The following RBFOX1 variants were observed in gnomAD, a reference collection of about 807,000 sequenced individuals.
RBFOX1 encodes the protein RNA binding fox-1 homolog 1, also known as RNA binding protein fox-1 homolog 1.
Under a neutral mutation model 57.7 loss-of-function variants are expected in RBFOX1, and 8 were observed. That is an observed-to-expected ratio of 0.14 (90% CI 0.08 to 0.25). The LOEUF is 0.25. Ranked by LOEUF, RBFOX1 falls within the 10% of genes least tolerant of loss-of-function variation. RBFOX1 has a pLI of 1.00. For synonymous variants in RBFOX1, 326 were observed against 222.4 expected, an observed-to-expected ratio of 1.47 and a Z score of -4.15; for missense variants, 611 against 548.5, an observed-to-expected ratio of 1.11 and a Z score of -1.14.
chr16:6,707,821 G>A (rs540738006), intron 3 of RBFOX1, among the ~76,000 whole-genome samples: 136 of 152,228 alleles, frequency 8.9e-4, no homozygotes, highest in Non-Finnish European at 1.5e-3. Context: ...ATTTGCATCC[G>A]CCTTCTCCTT....
intron 2 of RBFOX1, among the ~76,000 whole-genome samples, chr16:6,481,519 G>A (rs761234081): frequency 1.3e-5 from 2 of 152,204 alleles, no homozygotes; most frequent in African/African-American, 2.4e-5. Context: ...TTTGTGAACT[G>A]ATTTGTGAAT....
intron 2 of RBFOX1, among the ~76,000 whole-genome samples, chr16:6,566,010 G>C (rs745783562): frequency 6.6e-6 from 1 of 152,104 alleles, no homozygotes; most frequent in Non-Finnish European, 1.5e-5. Flanking sequence ...CTTCATGCAG[G>C]GTCACAGGTT....
intron 3 of RBFOX1, among the ~76,000 whole-genome samples, chr16:7,020,845 G>C (rs1279114356): frequency 1.3e-5 from 2 of 152,118 alleles, no homozygotes; most frequent in Non-Finnish European, 2.9e-5. Context: ...TTTTTCTCGA[G>C]GCCAGTCTTG....
chr16:5,984,603 ACCATGGGTCT>A (rs2060244907), intron 4 of RBFOX1, among the ~76,000 whole-genome samples: 1 of 152,220 alleles, frequency 6.6e-6, no homozygotes, highest in African/African-American at 2.4e-5. Context: ...GTATTATCTT[ACCATGGGTCT>A]GCACAGGGCT....
At chr16:7,671,361 T>G (rs755106907) in intron 13 of RBFOX1, among the ~76,000 whole-genome samples, 1 of 152,192 alleles carries the variant, frequency 6.6e-6, no homozygotes, top group African/African-American at 2.4e-5. Context: ...ATACTCTCCA[T>G]TGCAGAGATT....
chr16:5,923,168 CT>C (rs1370998681), intron 4 of RBFOX1, among the ~76,000 whole-genome samples: 1 of 152,130 alleles, frequency 6.6e-6, no homozygotes, highest in Non-Finnish European at 1.5e-5. Context: ...GGAAAAACGG[CT>C]GCTAATGTAG....
chr16:6,154,992 G>T (rs556964622), intron 1 of RBFOX1, among the ~76,000 whole-genome samples: 10 of 152,250 alleles, frequency 6.6e-5, no homozygotes, highest in African/African-American at 2.4e-4. Context: ...TATTCTCAAT[G>T]CTTCCATTGT....
intron 5 of RBFOX1, among the ~76,000 whole-genome samples, chr16:7,533,946 C>T (rs1015866999): frequency 4.6e-5 from 7 of 151,948 alleles, no homozygotes; most frequent in South Asian, 2.1e-4. Flanking sequence ...CAATGGTGGG[C>T]GATGTTACCT....
At chr16:5,850,226 A>G (rs911913838) in intron 3 of RBFOX1, among the ~76,000 whole-genome samples, 1 of 152,162 alleles carries the variant, frequency 6.6e-6, no homozygotes, top group Non-Finnish European at 1.5e-5. Flanking sequence ...TGGCCGAAGC[A>G]TGAGGGAGGG....
chr16:5,330,975 C>G (rs1256551958), intron 1 of RBFOX1, among the ~76,000 whole-genome samples: 1 of 51,274 alleles, frequency 2.0e-5, no homozygotes, highest in Non-Finnish European at 6.9e-5. Context: ...TACCCAGGCT[C>G]TCTGGTGGTT....
chr16:6,794,192 C>G (rs1005037954), intron 3 of RBFOX1, among the ~76,000 whole-genome samples: 1 of 151,386 alleles, frequency 6.6e-6, no homozygotes, highest in African/African-American at 2.4e-5. Flanking sequence ...GAAGTTGATG[C>G]GGGATTACTG....
At chr16:5,950,133 G>C (rs1283346203) in intron 4 of RBFOX1, among the ~76,000 whole-genome samples, 1 of 152,112 alleles carries the variant, frequency 6.6e-6, no homozygotes, top group African/African-American at 2.4e-5. Context: ...ACCTGTAATT[G>C]GTAAGAATGA....
chr16:7,676,447 A>G (rs898495968), intron 13 of RBFOX1, among the ~76,000 whole-genome samples: 3 of 152,200 alleles, frequency 2.0e-5, no homozygotes, highest in Admixed American at 6.5e-5. Flanking sequence ...AGCAAAGTAT[A>G]AAGAGTATTT....
At chr16:6,663,970 A>C (rs919394663) in intron 3 of RBFOX1, among the ~76,000 whole-genome samples, 1 of 152,218 alleles carries the variant, frequency 6.6e-6, no homozygotes, top group East Asian at 1.9e-4. Context: ...AATCCACCTG[A>C]AACCTTTTGA....
At chr16:5,486,452 G>A (rs1227323030) in intron 2 of RBFOX1, among the ~76,000 whole-genome samples, 1 of 152,238 alleles carries the variant, frequency 6.6e-6, no homozygotes, top group East Asian at 1.9e-4. Flanking sequence ...ATTGTACAGA[G>A]TGATCTGTTT....
intron 4 of RBFOX1, among the ~76,000 whole-genome samples, chr16:7,282,330 C>T (rs1009025190): frequency 3.9e-5 from 6 of 152,210 alleles, no homozygotes; most frequent in African/African-American, 1.4e-4. Context: ...TCACCCCCAA[C>T]TCATTGCAAG....
chr16:7,616,799 T>G (rs1218151927), intron 10 of RBFOX1, among the ~76,000 whole-genome samples: 1 of 152,106 alleles, frequency 6.6e-6, no homozygotes, highest in East Asian at 1.9e-4. Context: ...TCCAAAGTGC[T>G]GGGATTACAA....
intron 1 of RBFOX1, among the ~76,000 whole-genome samples, chr16:5,259,877 G>T (rs542774944): frequency 1.3e-5 from 2 of 152,026 alleles, no homozygotes; most frequent in African/African-American, 2.4e-5. Context: ...TGACTTCTGC[G>T]GAGTGGGTAT....
At chr16:6,732,522 A>T (rs1185118312) in intron 3 of RBFOX1, among the ~76,000 whole-genome samples, 2 of 152,166 alleles carry the variant, frequency 1.3e-5, no homozygotes, top group Non-Finnish European at 2.9e-5. Flanking sequence ...AATCTAGAAA[A>T]CATTTAGTGT....
Sources: allele counts gnomAD v4.1 joint callset (sites outside exome capture counted in the v4.1 genomes callset), GRCh38; gene constraint gnomAD v4.1.1; transcripts MANE v1.5; gene names NCBI Gene and HGNC (gene_info 2026-07-23, HGNC 2026-07-21).